The following SAMTOR variants were observed in gnomAD, a reference collection of about 807,000 sequenced individuals.
SAMTOR encodes the protein S-adenosylmethionine sensor upstream of mTORC1.
the SAMTOR span, among the ~76,000 whole-genome samples, chr7:112,880,242 AT>A: frequency 6.6e-6 from 1 of 152,124 alleles, no homozygotes; most frequent in Non-Finnish European, 1.5e-5. Context: ...AATCATCACT[AT>A]TTTCATTCTC....
At chr7:112,868,384 C>G in the SAMTOR span, among the ~76,000 whole-genome samples, 6 of 152,204 alleles carry the variant, frequency 3.9e-5, no homozygotes, top group African/African-American at 1.4e-4. Context: ...GGCAAGCCAG[C>G]AATCCTCGTG....
chr7:112,880,859 T>C, the SAMTOR span, among the ~76,000 whole-genome samples: 1 of 152,188 alleles, frequency 6.6e-6, no homozygotes, highest in Non-Finnish European at 1.5e-5. Flanking sequence ...GTAGCCTGTC[T>C]GGAGTGGCTG....
the SAMTOR span, among the ~76,000 whole-genome samples, chr7:112,831,095 G>GA: frequency 4.0e-5 from 6 of 151,108 alleles, no homozygotes; most frequent in African/African-American, 7.3e-5. Flanking sequence ...GCAATAGAGG[G>GA]AAAAAAATCC....
chr7:112,831,832 G>A, the SAMTOR span, among the ~76,000 whole-genome samples: 16 of 152,186 alleles, frequency 1.1e-4, no homozygotes, highest in African/African-American at 3.1e-4. Flanking sequence ...CAAACAAGCT[G>A]GATTTAATAA....
At chr7:112,921,767 C>T in the SAMTOR span, among the ~76,000 whole-genome samples, 1 of 156 alleles carries the variant, frequency 6.4e-3, no homozygotes, top group African/African-American at 0.025. Flanking sequence ...AACAAACAAC[C>T]CCATCAACAA....
chr7:112,922,898 C>CT, the SAMTOR span, among the ~76,000 whole-genome samples: 2 of 144,094 alleles, frequency 1.4e-5, no homozygotes, highest in Admixed American at 6.8e-5. Context: ...AGCCCCCCCC[C>CT]CCCGGGCCAG....
the SAMTOR span, among the ~76,000 whole-genome samples, chr7:112,896,338 T>C: frequency 6.6e-6 from 1 of 152,256 alleles, no homozygotes; most frequent in African/African-American, 2.4e-5. Context: ...AAAGCTATTT[T>C]ATCATTCTCC....
chr7:112,890,579 CTT>C, the SAMTOR span, among the ~76,000 whole-genome samples: 2 of 151,754 alleles, frequency 1.3e-5, no homozygotes, highest in Non-Finnish European at 2.9e-5. Context: ...TAAATGGACT[CTT>C]GAGTGAGCCC....
chr7:112,870,219 C>CA, the SAMTOR span, among the ~76,000 whole-genome samples: 1 of 152,136 alleles, frequency 6.6e-6, no homozygotes, highest in East Asian at 1.9e-4. Flanking sequence ...AGATACTAGA[C>CA]AAAATGACCA....
the SAMTOR span, chr7:112,820,877 C>T: frequency 6.6e-6 from 1 of 152,100 alleles, no homozygotes; most frequent in Non-Finnish European, 1.5e-5. Flanking sequence ...AGAACATAAA[C>T]TCTCTTCCAA....
the SAMTOR span, among the ~76,000 whole-genome samples, chr7:112,847,907 G>T: frequency 6.6e-6 from 1 of 152,254 alleles, no homozygotes; most frequent in Middle Eastern, 3.4e-3. Context: ...GGGAGGCTAG[G>T]GCAGGAGGAC....
chr7:112,922,171 T>C, the SAMTOR span, among the ~76,000 whole-genome samples: 6 of 152,222 alleles, frequency 3.9e-5, no homozygotes, highest in Non-Finnish European at 8.8e-5. Flanking sequence ...TTGGCCGGGC[T>C]GGTCTCCAGC....
At chr7:112,850,977 TTACAAAA>T in the SAMTOR span, among the ~76,000 whole-genome samples, 5 of 152,104 alleles carry the variant, frequency 3.3e-5, no homozygotes, top group Non-Finnish European at 4.4e-5. Flanking sequence ...TTTCCAATAG[TTACAAAA>T]TATAAAATAT....
the SAMTOR span, among the ~76,000 whole-genome samples, chr7:112,922,714 G>A: frequency 4.4e-4 from 67 of 151,624 alleles, no homozygotes; most frequent in African/African-American, 1.3e-3. Flanking sequence ...GAGCCCCTCC[G>A]CCCGGCAGCC....
the SAMTOR span, among the ~76,000 whole-genome samples, chr7:112,924,555 A>C: frequency 1.3e-5 from 2 of 152,128 alleles, no homozygotes; most frequent in African/African-American, 4.8e-5. Context: ...CTGAATACTG[A>C]TTTTAAACCT....
the SAMTOR span, among the ~76,000 whole-genome samples, chr7:112,938,891 T>G: frequency 1.3e-5 from 2 of 152,154 alleles, no homozygotes; most frequent in African/African-American, 4.8e-5. Context: ...GCAGGTGTCT[T>G]TAGGAGGCTT....
At chr7:112,856,906 T>C in the SAMTOR span, among the ~76,000 whole-genome samples, 1 of 152,110 alleles carries the variant, frequency 6.6e-6, no homozygotes, top group Admixed American at 6.5e-5. Flanking sequence ...TTCAGCTCCA[T>C]CTATAAACTT....
At chr7:112,872,804 G>C in the SAMTOR span, among the ~76,000 whole-genome samples, 1 of 143,944 alleles carries the variant, frequency 6.9e-6, no homozygotes, top group African/African-American at 2.6e-5. Context: ...AAAATCAGTA[G>C]TAAAAAAAAA....
chr7:112,939,733 G>C, the SAMTOR span: 4 of 1,602,664 alleles, frequency 2.5e-6, no homozygotes, highest in Non-Finnish European at 3.4e-6. Context: ...TATTTCGGCC[G>C]CCGGCCCCTG....
Sources: gnomAD v4.1 joint callset for allele counts (sites outside exome capture counted in the v4.1 genomes callset) on GRCh38, gnomAD v4.1.1 for gene constraint, MANE v1.5 for transcripts, NCBI Gene and HGNC (gene_info 2026-07-23, HGNC 2026-07-21) for gene names.